The following NEGR1 variants were observed in gnomAD, a reference collection of about 807,000 sequenced individuals.
NEGR1 encodes IgLON family member 4.
In NEGR1, 10 loss-of-function variants were observed where a neutral mutation model predicts 40.9. The ratio of observed to expected loss-of-function variants is 0.24; its 90% CI spans 0.15 to 0.42. The LOEUF (loss-of-function observed/expected upper bound fraction) is 0.42, where lower values mean the gene tolerates loss of function less well. Ranked by LOEUF, NEGR1 falls within the 10% of genes least tolerant of loss-of-function variation. The probability of loss-of-function intolerance (pLI) is 1.00; values close to 1 mark genes in which losing one functional copy is unlikely to be tolerated. For synonymous variants in NEGR1, 185 were observed against 166.8 expected (o/e 1.11, Z -0.84); for missense variants, 352 against 438.9 (o/e 0.80, Z 1.77).
intron 4 of NEGR1, among the ~76,000 whole-genome samples, chr1:71,682,835 A>T (rs1259075039): frequency 6.6e-6 from 1 of 152,024 alleles, no homozygotes; most frequent in Non-Finnish European, 1.5e-5. Flanking sequence ...TATCAGGATA[A>T]CTGATTGTTC....
At chr1:72,047,138 T>C (rs1009012715) in intron 1 of NEGR1, among the ~76,000 whole-genome samples, 2 of 151,400 alleles carry the variant, frequency 1.3e-5, no homozygotes, top group African/African-American at 2.4e-5. Flanking sequence ...TGTTTTGTTT[T>C]GTTTTTTTTT....
intron 3 of NEGR1, among the ~76,000 whole-genome samples, chr1:71,747,138 T>G (rs1655413032): frequency 6.6e-6 from 1 of 152,050 alleles, no homozygotes; most frequent in African/African-American, 2.4e-5. Context: ...TTTTATCATA[T>G]AAAGGGGCAA....
chr1:71,863,821 T>C (rs771373882), intron 2 of NEGR1, among the ~76,000 whole-genome samples: 5 of 152,276 alleles, frequency 3.3e-5, no homozygotes, highest in Non-Finnish European at 7.3e-5. Flanking sequence ...GTGTTGATTA[T>C]ACATAATGAA....
chr1:71,953,862 T>C (rs1570548391), intron 1 of NEGR1, among the ~76,000 whole-genome samples: 1 of 151,960 alleles, frequency 6.6e-6, no homozygotes, highest in African/African-American at 2.4e-5. Flanking sequence ...GCATACTTAA[T>C]AGATGACAAC....
chr1:71,536,295 T>G (rs2101451207), intron 6 of NEGR1, among the ~76,000 whole-genome samples: 1 of 151,838 alleles, frequency 6.6e-6, no homozygotes, highest in Middle Eastern at 3.4e-3. Flanking sequence ...ATGCCCATGG[T>G]GTTTGGGCTA....
At chr1:71,632,809 G>A (rs1651018573) in intron 4 of NEGR1, among the ~76,000 whole-genome samples, 1 of 151,898 alleles carries the variant, frequency 6.6e-6, no homozygotes, top group Admixed American at 6.6e-5. Flanking sequence ...ACAGATGAAT[G>A]AATTATAGTT....
chr1:71,578,167 G>A (rs1331093399), intron 6 of NEGR1, among the ~76,000 whole-genome samples: 2 of 152,108 alleles, frequency 1.3e-5, no homozygotes, highest in South Asian at 2.1e-4. Flanking sequence ...GATTAACAGT[G>A]ATGCTGGATT....
intron 1 of NEGR1, among the ~76,000 whole-genome samples, chr1:72,110,324 T>A (rs1267613470): frequency 1.3e-5 from 2 of 151,062 alleles, no homozygotes; most frequent in East Asian, 3.9e-4. Flanking sequence ...CATGACTGAC[T>A]ATGACTGTTG....
intron 1 of NEGR1, among the ~76,000 whole-genome samples, chr1:72,273,576 T>G (rs1258031213): frequency 6.6e-6 from 1 of 151,882 alleles, no homozygotes; most frequent in Non-Finnish European, 1.5e-5. Context: ...CCTTGAAATC[T>G]TAACATAGCA....
At chr1:71,965,224 TA>T (rs750471926) in intron 1 of NEGR1, among the ~76,000 whole-genome samples, 1 of 152,124 alleles carries the variant, frequency 6.6e-6, no homozygotes, top group Non-Finnish European at 1.5e-5. Flanking sequence ...CTTGTGAATA[TA>T]AAGGTAGGAC....
chr1:72,039,328 C>T (rs969657087), intron 1 of NEGR1, among the ~76,000 whole-genome samples: 1 of 151,816 alleles, frequency 6.6e-6, no homozygotes, highest in African/African-American at 2.4e-5. Flanking sequence ...ATAAGTGTTT[C>T]AAAATTACCA....
chr1:71,658,768 G>A (rs112690894), intron 4 of NEGR1, among the ~76,000 whole-genome samples: 8 of 152,210 alleles, frequency 5.3e-5, no homozygotes, highest in African/African-American at 1.9e-4. Context: ...TCTTGTTGAG[G>A]AACTGCAGAC....
intron 1 of NEGR1, among the ~76,000 whole-genome samples, chr1:72,079,796 A>G (rs183771651): frequency 1.3e-5 from 2 of 152,136 alleles, no homozygotes; most frequent in Non-Finnish European, 2.9e-5. Context: ...TATGTATTTA[A>G]AAGTGTTCTA....
intron 3 of NEGR1, among the ~76,000 whole-genome samples, chr1:71,729,297 ATCT>A (rs1488379373): frequency 6.6e-6 from 1 of 152,160 alleles, no homozygotes; most frequent in East Asian, 1.9e-4. Context: ...AAATTGAAAC[ATCT>A]TCTTCCTTGC....
At position 72,279,455 on chromosome 1, in the gene NEGR1, T is replaced by G. The variant is rs903038479; in HGVS notation, c.176+2864A>C. Among the ~76,000 whole-genome samples, 20 of 151,360 alleles carry G rather than the reference T, an allele frequency of 1.3e-4. No individual in the cohort carries two copies. The East Asian group carries it at 2.5e-3, about 19-fold the overall frequency. ...ACTATTTGTTTTTTATTAAAGACAC[T>G]GTGAGGAATATGTTACATTAAAAAT... On this transcript the variant is annotated intron_variant, in intron 1 of 6. Transcript: ENST00000357731.
chr1:71,942,411 ATAGTT>A (rs1401845824), intron 1 of NEGR1, among the ~76,000 whole-genome samples: 2 of 124,612 alleles, frequency 1.6e-5, no homozygotes, highest in African/African-American at 2.9e-5. Flanking sequence ...ATTAATTCAT[ATAGTT>A]TAGTTTTACT....
chr1:71,531,769 A>C (rs186448763), intron 6 of NEGR1, among the ~76,000 whole-genome samples: 1 of 151,560 alleles, frequency 6.6e-6, no homozygotes, highest in African/African-American at 2.4e-5. Flanking sequence ...GTATTCTATA[A>C]TTTGACCAGA....
At chr1:71,921,702 GAATA>G (rs1244606613) in intron 2 of NEGR1, among the ~76,000 whole-genome samples, 5 of 70,460 alleles carry the variant, frequency 7.1e-5, no homozygotes, top group Admixed American at 3.6e-4. Flanking sequence ...TACAGTACAA[GAATA>G]TATATATATA....
At chr1:71,499,003 G>A (rs1646982843) in intron 6 of NEGR1, among the ~76,000 whole-genome samples, 2 of 152,168 alleles carry the variant, frequency 1.3e-5, no homozygotes, top group South Asian at 4.1e-4. Context: ...TGCTGACTAC[G>A]GACTTCTGAG....
Sources: allele counts gnomAD v4.1 joint callset (sites outside exome capture counted in the v4.1 genomes callset), GRCh38; gene constraint gnomAD v4.1.1; transcripts MANE v1.5; gene names NCBI Gene and HGNC (gene_info 2026-07-23, HGNC 2026-07-21).